MCC: variants seen among roughly 807,000 people sequenced by gnomAD.
MCC encodes colorectal mutant cancer protein.
Under a neutral mutation model 116.2 loss-of-function variants are expected in MCC, and 90 were observed. The observed-to-expected ratio is 0.77, with a 90% CI of 0.65 to 0.92. MCC has a LOEUF of 0.92. Among genes scored for constraint, MCC ranks in the 40% least tolerant of loss-of-function variants. The pLI, the probability that MCC is intolerant of heterozygous loss-of-function variation, is 0.00. For missense variants in MCC, 1,516 were observed against 1,312.2 expected (o/e 1.16, Z -2.40); for synonymous variants, 578 against 510.5 (o/e 1.13, Z -1.78).
intron 8 of MCC, among the ~76,000 whole-genome samples, chr5:113,088,527 A>G (rs1211686573): frequency 6.6e-6 from 1 of 151,432 alleles, no homozygotes; most frequent in East Asian, 1.9e-4. Flanking sequence ...AGATAATCTG[A>G]TTTGGGTGGG....
chr5:113,381,657 G>A (rs553023463), intron 2 of MCC, among the ~76,000 whole-genome samples: 5 of 152,200 alleles, frequency 3.3e-5, no homozygotes, highest in African/African-American at 1.2e-4. Flanking sequence ...GCCTGGTGGT[G>A]CATGCCTGTA....
rs185544073 is a variant in MCC, at chr5:113,240,117, T to G, written c.628-88695A>C. 3.9e-5 allele frequency among the ~76,000 whole-genome samples: 6 copies of G among 152,324 alleles called. No homozygotes were observed. The East Asian group carries it at 7.7e-4, about 20-fold the overall frequency. ...TATGGAATGGAGGGTGGTAGAAAGCTGTCATGTCGGTCTCTCCCATTCCGC... is the reference window on the plus strand; with the variant it reads ...TATGGAATGGAGGGTGGTAGAAAGCGGTCATGTCGGTCTCTCCCATTCCGC... On this transcript the variant is annotated intron_variant, in intron 3 of 18. Transcript: ENST00000408903.
chr5:113,053,654 A>T, intron 15 of MCC, 71 bp downstream of exon 15: 1 of 1,092,662 alleles, frequency 9.2e-7, no homozygotes, highest in Non-Finnish European at 1.4e-6. Flanking sequence ...TATCTGCTGG[A>T]CCTGCTTTCA....
At chr5:113,052,104 A>C (rs1387107775) in intron 15 of MCC, among the ~76,000 whole-genome samples, 1 of 146,370 alleles carries the variant, frequency 6.8e-6, no homozygotes, top group Non-Finnish European at 1.5e-5. Flanking sequence ...TTTTATTTTC[A>C]AGTGGCAAAG....
chr5:113,222,070 T>C (rs1185027015), intron 3 of MCC, among the ~76,000 whole-genome samples: 1 of 152,208 alleles, frequency 6.6e-6, no homozygotes, highest in Non-Finnish European at 1.5e-5. Flanking sequence ...TGGTGTCAGG[T>C]TGAGAAAGTT....
At chr5:113,314,958 C>T (rs374643036) in intron 3 of MCC, among the ~76,000 whole-genome samples, 1 of 152,326 alleles carries the variant, frequency 6.6e-6, no homozygotes. Flanking sequence ...TAGTGCTCTT[C>T]CAAGAGTTTT....
At chr5:113,182,113 T>C (rs1327932399) in intron 3 of MCC, among the ~76,000 whole-genome samples, 12 of 152,230 alleles carry the variant, frequency 7.9e-5, no homozygotes, top group Non-Finnish European at 4.4e-5. Flanking sequence ...CCAGAGTTGT[T>C]CCTTACCTGT....
Position 113,049,225 on chromosome 5 carries a change from G to A in MCC, c.2523C>T (p.Ser841=). ...KEKKALELKL[S]TREAQEQAYL... ...AGGCCTGCTCCTGGGCCTCCCGCGT[G>A]CTCAGCTTCAGCTCCAGGGCCTTCT... is the stretch of plus-strand genomic sequence containing the variant. Residue 841 remains serine, a synonymous_variant, in exon 16 of 19, where the codon AGC becomes AGT. Transcript: ENST00000408903. The A allele has an allele frequency of 6.2e-7, 1 of 1,613,958 alleles. No individual in the cohort carries two copies. Among genetic ancestry groups the A allele is most frequent in the Non-Finnish European group, 8.5e-7 (1 of 1,179,958 alleles).
chr5:113,027,286 G>C lies in MCC; in HGVS notation c.*16C>G, dbSNP rs191547853. The C allele has an allele frequency of 3.7e-6, 6 of 1,612,740 alleles. No individual in the cohort carries two copies. The highest frequency in any genetic ancestry group is 1.1e-5 in the South Asian group (1 of 90,904). ...GTTTACTTCCCATGGGCAGAACTCC[G>C]GTGCGTGAGTGCTGATTAAAGCGAA... On this transcript the variant is annotated 3_prime_UTR_variant, in exon 19 of 19. Coordinates refer to ENST00000408903, the MANE Select transcript of MCC (RefSeq NM_001085377.2).
At chr5:113,341,390 G>T in intron 2 of MCC, among the ~76,000 whole-genome samples, 1 of 151,712 alleles carries the variant, frequency 6.6e-6, no homozygotes, top group Non-Finnish European at 1.5e-5. Flanking sequence ...ATACTATGTT[G>T]CCCAGGCTGG....
chr5:113,242,048 A>G (rs1764388770), intron 3 of MCC, among the ~76,000 whole-genome samples: 2 of 152,172 alleles, frequency 1.3e-5, no homozygotes, highest in African/African-American at 4.8e-5. Flanking sequence ...CTCATAAACC[A>G]CACTGTTTTT....
intron 2 of MCC, among the ~76,000 whole-genome samples, chr5:113,363,750 C>T (rs1399577662): frequency 6.6e-6 from 1 of 152,116 alleles, no homozygotes; most frequent in Non-Finnish European, 1.5e-5. Context: ...TCATGCCTTC[C>T]CAATAGTCCC....
intron 3 of MCC, among the ~76,000 whole-genome samples, chr5:113,292,718 T>C (rs1657454719): frequency 6.6e-6 from 1 of 152,210 alleles, no homozygotes; most frequent in South Asian, 2.1e-4. Context: ...TTCTCCTAAG[T>C]CTGCGATTCA....
chr5:113,478,789 A>C (rs1393317653), intron 1 of MCC, among the ~76,000 whole-genome samples: 1 of 152,168 alleles, frequency 6.6e-6, no homozygotes, highest in Non-Finnish European at 1.5e-5. Context: ...CCTCAGGCAA[A>C]GCAGTCTCTT....
intron 3 of MCC, among the ~76,000 whole-genome samples, chr5:113,288,499 G>C (rs139911465): frequency 6.6e-6 from 1 of 152,088 alleles, no homozygotes; most frequent in Non-Finnish European, 1.5e-5. Context: ...CCTTATCGAC[G>C]AATCTGCTTT....
intron 6 of MCC, among the ~76,000 whole-genome samples, chr5:113,113,882 TAAACAAAAGC>T (rs1307120715): frequency 6.6e-6 from 1 of 152,054 alleles, no homozygotes; most frequent in Admixed American, 6.5e-5. Flanking sequence ...GATCTGGGAC[TAAACAAAAGC>T]AACCAAAGAC....
chr5:113,417,519 C>T (rs1396030155), intron 1 of MCC, among the ~76,000 whole-genome samples: 2 of 146,110 alleles, frequency 1.4e-5, no homozygotes, highest in African/African-American at 5.3e-5. Context: ...CAAATAGTTT[C>T]CCATTTGAAA....
At chr5:113,302,006 G>T (rs984658677) in intron 3 of MCC, among the ~76,000 whole-genome samples, 1 of 152,090 alleles carries the variant, frequency 6.6e-6, no homozygotes, top group African/African-American at 2.4e-5. Context: ...TTTACCACTA[G>T]GTAACCTAAA....
At chr5:113,180,527 C>A (rs1761572910) in intron 3 of MCC, among the ~76,000 whole-genome samples, 1 of 152,134 alleles carries the variant, frequency 6.6e-6, no homozygotes, top group Non-Finnish European at 1.5e-5. Context: ...GGAGACTATT[C>A]TTCTAGTTTG....
Sources: allele counts gnomAD v4.1 joint callset (sites outside exome capture counted in the v4.1 genomes callset), GRCh38; gene constraint gnomAD v4.1.1; transcripts MANE v1.5; gene names NCBI Gene and HGNC (gene_info 2026-07-23, HGNC 2026-07-21).